The following PARVA variants were observed in gnomAD, a reference collection of about 807,000 sequenced individuals.
PARVA encodes alpha-parvin.
Under a neutral mutation model 52.6 loss-of-function variants are expected in PARVA, and 25 were observed. The observed-to-expected ratio is 0.48, with a 90% CI of 0.35 to 0.66. PARVA has a LOEUF of 0.66. Ranked by LOEUF, PARVA falls within the 30% of genes least tolerant of loss-of-function variation. The pLI, the probability that PARVA is intolerant of heterozygous loss-of-function variation, is 0.01. For synonymous variants in PARVA, 185 were observed against 179.1 expected (o/e 1.03, Z -0.26); for missense variants, 373 against 450.9 (o/e 0.83, Z 1.56).
At chr11:12,410,432 C>T (rs921138921) in intron 1 of PARVA, among the ~76,000 whole-genome samples, 4 of 152,250 alleles carry the variant, frequency 2.6e-5, no homozygotes, top group Non-Finnish European at 2.9e-5. Context: ...TCTTTACTGT[C>T]GGCTCCTGTC....
At chr11:12,401,732 T>C (rs1280094772) in intron 1 of PARVA, among the ~76,000 whole-genome samples, 1 of 152,208 alleles carries the variant, frequency 6.6e-6, no homozygotes, top group Non-Finnish European at 1.5e-5. Context: ...AACAATAGGA[T>C]TGGGAAACCA....
intron 1 of PARVA, among the ~76,000 whole-genome samples, chr11:12,443,097 G>A (rs368975871): frequency 6.7e-6 from 1 of 149,458 alleles, no homozygotes; most frequent in South Asian, 2.1e-4. Flanking sequence ...TCCTGATCTT[G>A]TGATCCGCCC....
chr11:12,513,341 A>G lies in PARVA; in HGVS notation c.779A>G (p.Lys260Arg). The G allele has an allele frequency of 1.2e-6, 2 of 1,613,938 alleles. No individual in the cohort carries two copies. The highest frequency in any genetic ancestry group is 1.7e-6 in the Non-Finnish European group (2 of 1,179,816). Residue 260 changes from lysine (K) to arginine (R), a missense_variant, in exon 9 of 13, where the codon AAG becomes AGG. Coordinates refer to ENST00000334956, the MANE Select transcript of PARVA (RefSeq NM_018222.5). The part of the protein sequence containing the change: ...FDTLFDHAPD[K>R]LNVVKKTLIT... ...ACCTTGTTCGACCATGCCCCAGACA[A>G]GCTGAATGTGGTGAAAAAGGTGGGA...
intron 1 of PARVA, among the ~76,000 whole-genome samples, chr11:12,404,806 G>T (rs146252348): frequency 1.3e-5 from 2 of 152,330 alleles, no homozygotes; most frequent in Non-Finnish European, 2.9e-5. Flanking sequence ...CCTGGCCATC[G>T]TTACATCCTC....
At chr11:12,389,511 C>T (rs1939627020) in intron 1 of PARVA, among the ~76,000 whole-genome samples, 1 of 152,174 alleles carries the variant, frequency 6.6e-6, no homozygotes, top group Non-Finnish European at 1.5e-5. Context: ...CAATTACAGA[C>T]ACATGGGAGG....
intron 1 of PARVA, among the ~76,000 whole-genome samples, chr11:12,396,527 CA>C (rs1156742793): frequency 1.3e-5 from 2 of 152,162 alleles, no homozygotes; most frequent in African/African-American, 2.4e-5. Flanking sequence ...TCCTCATCTG[CA>C]AAATGGCATG....
intron 5 of PARVA, among the ~76,000 whole-genome samples, chr11:12,503,100 CAT>C (rs1228489687): frequency 6.6e-6 from 1 of 152,158 alleles, no homozygotes; most frequent in East Asian, 1.9e-4. Flanking sequence ...ACTTTGAGCA[CAT>C]GACTCAGCAG....
chr11:12,453,086 T>TGG (rs142579184), intron 1 of PARVA: 20 of 453,780 alleles, frequency 4.4e-5, no homozygotes, highest in Non-Finnish European at 7.1e-5. Flanking sequence ...GATTCTTTGT[T>TGG]GGGGGGGCGC....
intron 1 of PARVA, among the ~76,000 whole-genome samples, chr11:12,378,842 G>T (rs1939444478): frequency 6.6e-6 from 1 of 152,088 alleles, no homozygotes; most frequent in Non-Finnish European, 1.5e-5. Context: ...CACAGGAAAG[G>T]GGTCCCAGTC....
intron 1 of PARVA, among the ~76,000 whole-genome samples, chr11:12,389,596 A>G (rs1325977822): frequency 6.6e-6 from 1 of 152,164 alleles, no homozygotes; most frequent in African/African-American, 2.4e-5. Flanking sequence ...GGTGATTTCA[A>G]GCTGGGTCTT....
chr11:12,483,896 G>A lies in PARVA; in HGVS notation c.400+5947G>A, dbSNP rs189755146. The stretch of plus-strand genomic sequence containing the variant: ...TCCAAACCTCAGAGCAGAGGTTTCC[G>A]AACCCCAGAATGAGGAGGAAGTTCC... On this transcript the variant is annotated intron_variant, in intron 4 of 12. Coordinates refer to ENST00000334956, the MANE Select transcript of PARVA (RefSeq NM_018222.5). 1.9e-4 allele frequency among the ~76,000 whole-genome samples: 29 copies of A among 152,282 alleles called. No individual in the cohort carries two copies. The East Asian group carries it at 5.0e-3, about 26-fold the overall frequency.
rs1345109440 is a variant in PARVA at position 12,530,895 on chromosome 11, C to T, written c.*2970C>T. On this transcript the variant is annotated 3_prime_UTR_variant, in exon 13 of 13. Transcript: ENST00000334956. Reference sequence around the variant, plus strand: ...GCCGAAGGAGGAAAGGCTGCCTAGACAATGATTTCAAAAGTAGAGTCTAAA... The same window carrying T: ...GCCGAAGGAGGAAAGGCTGCCTAGATAATGATTTCAAAAGTAGAGTCTAAA... The T allele has an allele frequency of 6.6e-6, 1 of 152,188 alleles. No homozygotes were observed. The highest frequency in any genetic ancestry group is 1.9e-4 in the East Asian group (1 of 5,194). The allele number at this position is 152,188 out of a possible 1,614,324, so 9.4% of individuals were successfully genotyped here.
chr11:12,416,042 C>T (rs1425279112), intron 1 of PARVA, among the ~76,000 whole-genome samples: 1 of 152,156 alleles, frequency 6.6e-6, no homozygotes, highest in Non-Finnish European at 1.5e-5. Flanking sequence ...CTTTCAACAT[C>T]ATAATGCTGT....
At chr11:12,377,458 AGAGGGCGGCGC>A (rs1490847058), upstream of PARVA, 4 of 1,402,566 alleles carry the variant, frequency 2.9e-6, no homozygotes, top group African/African-American at 1.5e-5. Context: ...CTTCCAGGGC[AGAGGGCGGCGC>A]GAGGGAGGGA....
At chr11:12,385,242 A>T (rs78291432) in intron 1 of PARVA, among the ~76,000 whole-genome samples, 8,384 of 151,922 alleles carry the variant, frequency 0.055, 719 homozygotes, top group African/African-American at 0.19. Flanking sequence ...CATGGAAGGA[A>T]CGCTTTAGCC....
At chr11:12,393,627 C>G (rs914492783) in intron 1 of PARVA, among the ~76,000 whole-genome samples, 1 of 152,236 alleles carries the variant, frequency 6.6e-6, no homozygotes, top group South Asian at 2.1e-4. Context: ...AGTGGGAGGT[C>G]TTGGGGGACC....
rs144890298 is a variant in PARVA, at chr11:12,479,338, T to G, written c.400+1389T>G. Reference sequence around the variant, plus strand: ...TTTTTTTCTTGAGACAGATTCTCGCTGTCACCCAGGCTGGAGTGCAGTGGC... The same window carrying G: ...TTTTTTTCTTGAGACAGATTCTCGCGGTCACCCAGGCTGGAGTGCAGTGGC... On this transcript the variant is annotated intron_variant, in intron 4 of 12. Coordinates refer to ENST00000334956, the MANE Select transcript of PARVA (RefSeq NM_018222.5). 4.9e-3 allele frequency: 745 copies of G among 152,236 alleles called. 5 individuals carry two copies. Among genetic ancestry groups the G allele is most frequent in the Admixed American group, 0.018 (280 of 15,286 alleles). 9.4% of individuals were successfully genotyped at this position (152,236 alleles called of 1,614,324 possible).
intron 1 of PARVA, among the ~76,000 whole-genome samples, chr11:12,419,322 G>C (rs1203359005): frequency 6.7e-6 from 1 of 148,190 alleles, no homozygotes; most frequent in East Asian, 2.0e-4. Context: ...TTTATGTCTC[G>C]ATGAATCTGA....
chr11:12,415,156 T>C (rs1940047618), intron 1 of PARVA, among the ~76,000 whole-genome samples: 1 of 152,172 alleles, frequency 6.6e-6, no homozygotes, highest in Non-Finnish European at 1.5e-5. Context: ...ATTTGACATG[T>C]CAGCTGCAGG....
Sources: gnomAD v4.1 joint callset for allele counts (sites outside exome capture counted in the v4.1 genomes callset) on GRCh38, gnomAD v4.1.1 for gene constraint, MANE v1.5 for transcripts, NCBI Gene and HGNC (gene_info 2026-07-23, HGNC 2026-07-21) for gene names.